BBS9: variants seen among roughly 807,000 people sequenced by gnomAD.
BBS9 encodes Bardet-Biedl syndrome 9, also known as protein PTHB1.
Under a neutral mutation model 117.7 loss-of-function variants are expected in BBS9, and 89 were observed. That is an observed-to-expected ratio of 0.76 (90% CI 0.64 to 0.90). The LOEUF is 0.90. Ranked by LOEUF, BBS9 falls within the 40% of genes least tolerant of loss-of-function variation. The pLI is 0.00. For missense variants in BBS9, 982 were observed against 1,042.2 expected, an observed-to-expected ratio of 0.94 and a Z score of 0.80; for synonymous variants, 379 against 370.9, an observed-to-expected ratio of 1.02 and a Z score of -0.25.
intron 21 of BBS9, among the ~76,000 whole-genome samples, chr7:33,582,785 A>T (rs955819333): frequency 6.6e-6 from 1 of 152,136 alleles, no homozygotes; most frequent in Non-Finnish European, 1.5e-5. Context: ...GACTTTTCTT[A>T]ATTTAAACTT....
intron 19 of BBS9, among the ~76,000 whole-genome samples, chr7:33,487,787 G>A (rs1843319411): frequency 6.6e-6 from 1 of 152,100 alleles, no homozygotes; most frequent in Non-Finnish European, 1.5e-5. Flanking sequence ...CAGCCATCAG[G>A]GAACACCTTA....
intron 9 of BBS9, among the ~76,000 whole-genome samples, chr7:33,296,762 C>T (rs541658086): frequency 6.6e-6 from 1 of 152,286 alleles, no homozygotes; most frequent in East Asian, 1.9e-4. Flanking sequence ...CCCATGGCCC[C>T]TGTAGGTGCC....
rs529939243 is a variant in BBS9, at chr7:33,317,767, A to G, written c.1017-18674A>G. ...TCACTCCTGTACTTAAAACCCTTGC[A>G]TGGGCCAGGCGCAGTGGCTCACGCC... is the stretch of plus-strand genomic sequence containing the variant. On this transcript the variant is annotated intron_variant, in intron 9 of 22. Coordinates refer to ENST00000242067, the MANE Select transcript of BBS9 (RefSeq NM_198428.3). Among the ~76,000 whole-genome samples the G allele has an allele frequency of 3.8e-4, 58 of 152,300 alleles. 1 individual carries two copies. Among genetic ancestry groups the G allele is most frequent in the African/African-American group, 1.3e-3 (55 of 41,570 alleles).
At chr7:33,153,735 G>A (rs1160756048) in intron 3 of BBS9, among the ~76,000 whole-genome samples, 2 of 152,190 alleles carry the variant, frequency 1.3e-5, no homozygotes, top group Admixed American at 1.3e-4. Flanking sequence ...CTGTTGGGAA[G>A]CTGTAGCTTA....
At chr7:33,232,693 T>A (rs1346684164) in intron 5 of BBS9, among the ~76,000 whole-genome samples, 1 of 152,166 alleles carries the variant, frequency 6.6e-6, no homozygotes, top group Non-Finnish European at 1.5e-5. Context: ...TCCTCATATG[T>A]GTGTAAAGTA....
Position 33,604,971 on chromosome 7 carries a change from G to T in BBS9, c.2628G>T (p.Arg876Ser). 6.2e-7 allele frequency: 1 copy of T among 1,606,260 alleles called. No homozygotes were observed. Among genetic ancestry groups the T allele is most frequent in the Non-Finnish European group, 8.5e-7 (1 of 1,173,038 alleles). ...GACATCTCACTGCAGAGACACCCAG[G>T]CCTGGTAAGAGACTGGATGGCCTTC... Reference protein sequence around the residue: ...NHRHLTAETPRPEVSPLQGVS... With the variant: ...NHRHLTAETPSPEVSPLQGVS... The change falls in exon 22 of 23, where the codon AGG becomes AGT. Residue 876 changes from arginine to serine, a missense_variant. By Grantham distance (110) the Arg-to-Ser change is moderately radical (BLOSUM62 -1). Transcript: ENST00000242067.
At chr7:33,484,788 A>G (rs1463472399) in intron 19 of BBS9, among the ~76,000 whole-genome samples, 2 of 152,236 alleles carry the variant, frequency 1.3e-5, no homozygotes, top group African/African-American at 4.8e-5. Flanking sequence ...CAATCCCATT[A>G]CTGGGTATAT....
chr7:33,417,959 G>C (rs1832275543), intron 19 of BBS9, among the ~76,000 whole-genome samples: 4 of 152,268 alleles, frequency 2.6e-5, no homozygotes, highest in Admixed American at 2.6e-4. Flanking sequence ...ACTATATTCT[G>C]GTGCAGTGTG....
intron 19 of BBS9, among the ~76,000 whole-genome samples, chr7:33,421,216 A>C (rs2128855774): frequency 6.6e-6 from 1 of 152,210 alleles, no homozygotes; most frequent in East Asian, 1.9e-4. Flanking sequence ...TGATTCTACA[A>C]ACTGTGAGTC....
intron 5 of BBS9, among the ~76,000 whole-genome samples, chr7:33,198,542 A>G (rs753552641): frequency 6.6e-6 from 1 of 152,016 alleles, no homozygotes; most frequent in Non-Finnish European, 1.5e-5. Context: ...AAGAAAAAAG[A>G]CTTTAGAAAG....
chr7:33,402,868 G>A (rs910402821), intron 19 of BBS9, among the ~76,000 whole-genome samples: 3 of 151,482 alleles, frequency 2.0e-5, no homozygotes, highest in East Asian at 1.9e-4. Flanking sequence ...CTCTTATATC[G>A]CTCCAGTGTC....
At chr7:33,547,853 A>G (rs1853667154) in intron 21 of BBS9, among the ~76,000 whole-genome samples, 1 of 152,256 alleles carries the variant, frequency 6.6e-6, no homozygotes, top group Non-Finnish European at 1.5e-5. Flanking sequence ...TATTGATAGT[A>G]TGCTCATTCT....
Position 33,460,373 on chromosome 7 carries a change from C to T in BBS9, c.2116-45090C>T, listed in dbSNP as rs144050573. Among the ~76,000 whole-genome samples, 567 of 152,120 alleles carry T rather than the reference C, an allele frequency of 3.7e-3. 4 individuals carry two copies. The highest frequency in any genetic ancestry group is 0.013 in the African/African-American group (545 of 41,512). ...GTCTTCTATGCCCATAATTGATTGA[C>T]GTAACCTGTCAGGGTTTTCTCTTTA... On this transcript the variant is annotated intron_variant, in intron 19 of 22. Transcript: ENST00000242067.
At chr7:33,531,936 C>T (rs1850641255) in intron 20 of BBS9, among the ~76,000 whole-genome samples, 2 of 152,230 alleles carry the variant, frequency 1.3e-5, no homozygotes, top group South Asian at 2.1e-4. Context: ...CTTTAAGGCC[C>T]TGGTTTTATA....
chr7:33,249,954 C>T (rs1325982799), intron 5 of BBS9, among the ~76,000 whole-genome samples: 2 of 152,160 alleles, frequency 1.3e-5, no homozygotes, highest in Non-Finnish European at 2.9e-5. Flanking sequence ...GTCCAGGGTG[C>T]ATCGTATCTG....
intron 19 of BBS9, among the ~76,000 whole-genome samples, chr7:33,485,308 G>GTTT (rs371550940): frequency 2.2e-4 from 28 of 127,170 alleles, no homozygotes; most frequent in Non-Finnish European, 2.8e-4. Flanking sequence ...TAACATAAAA[G>GTTT]TTTTTTTTTT....
At chr7:33,446,472 A>G (rs1192984193) in intron 19 of BBS9, among the ~76,000 whole-genome samples, 1 of 152,222 alleles carries the variant, frequency 6.6e-6, no homozygotes, top group Non-Finnish European at 1.5e-5. Context: ...TAACTTCATT[A>G]TATCAAGTCT....
intron 5 of BBS9, among the ~76,000 whole-genome samples, chr7:33,217,036 A>T (rs1432731545): frequency 6.6e-6 from 1 of 152,174 alleles, no homozygotes; most frequent in Non-Finnish European, 1.5e-5. Context: ...TGGAGGTTGC[A>T]GTGAGCTGAG....
chr7:33,349,503 T>G, intron 13 of BBS9, among the ~76,000 whole-genome samples: 1 of 152,184 alleles, frequency 6.6e-6, no homozygotes, highest in Non-Finnish European at 1.5e-5. Context: ...GGCACCATCA[T>G]GGCTCACTGC....
Sources: gnomAD v4.1 joint callset for allele counts (sites outside exome capture counted in the v4.1 genomes callset) on GRCh38, gnomAD v4.1.1 for gene constraint, MANE v1.5 for transcripts, NCBI Gene and HGNC (gene_info 2026-07-23, HGNC 2026-07-21) for gene names.